The following STEAP3 variants were observed in gnomAD, a reference collection of about 807,000 sequenced individuals.
STEAP3 encodes the protein metalloreductase STEAP3.
In STEAP3, 35 loss-of-function variants were observed where a neutral mutation model predicts 34.9. The ratio of observed to expected loss-of-function variants is 1.00; its 90% CI spans 0.76 to 1.33. STEAP3 has a LOEUF of 1.33. Among genes scored for constraint, STEAP3 ranks in the 40% most tolerant of loss-of-function variants. The pLI, the probability that STEAP3 is intolerant of heterozygous loss-of-function variation, is 0.00. For missense variants in STEAP3, 652 were observed against 667.6 expected, an observed-to-expected ratio of 0.98 and a Z score of 0.26; for synonymous variants, 281 against 301.6, an observed-to-expected ratio of 0.93 and a Z score of 0.71.
chr2:119,226,145 G>A (rs899564207), intron 1 of STEAP3, among the ~76,000 whole-genome samples: 27 of 152,210 alleles, frequency 1.8e-4, no homozygotes, highest in South Asian at 6.2e-4. Context: ...CCAGCCTGGC[G>A]GTCTACGCTG....
At chr2:119,245,223 T>G in intron 2 of STEAP3, 1 of 464,990 alleles carries the variant, frequency 2.2e-6, no homozygotes, top group South Asian at 4.8e-5. Flanking sequence ...ACTCTGCCAG[T>G]TTTTCCCGAG....
chr2:119,258,677 G>A (rs1416743632), intron 5 of STEAP3, among the ~76,000 whole-genome samples: 1 of 139,308 alleles, frequency 7.2e-6, no homozygotes, highest in Non-Finnish European at 1.5e-5. Flanking sequence ...GCACAATCTC[G>A]GCTCACTGCA....
chr2:119,263,522 TGTATTTA>T lies in STEAP3; in HGVS notation c.*185_*191del. On this transcript the variant is annotated 3_prime_UTR_variant, in exon 6 of 6. Coordinates refer to ENST00000393110, the MANE Select transcript of STEAP3 (RefSeq NM_182915.3). ...AATGATATACACACATATGTGTATA[TGTATTTA>T]CATATATTCCACATATATAACAGGA... is the stretch of plus-strand genomic sequence containing the variant. 6.6e-6 allele frequency: 5 copies of T among 761,532 alleles called. No individual in the cohort carries two copies. Among genetic ancestry groups the T allele is most frequent in the Non-Finnish European group, 1.1e-5 (5 of 456,128 alleles). The allele number at this position is 761,532 out of a possible 1,614,324, so 47.2% of individuals were successfully genotyped here. A position where few individuals can be genotyped will look rare whatever the true frequency, so the allele number is the denominator to read the frequency against.
intron 3 of STEAP3, chr2:119,246,293 A>C (rs1677424686): frequency 8.7e-6 from 3 of 346,304 alleles, no homozygotes; most frequent in South Asian, 7.9e-5. Flanking sequence ...TGCTATTTGG[A>C]GCCAAGAAGG....
intron 4 of STEAP3, among the ~76,000 whole-genome samples, chr2:119,252,697 G>C (rs1228242144): frequency 3.3e-5 from 5 of 152,176 alleles, no homozygotes; most frequent in Non-Finnish European, 7.3e-5. Flanking sequence ...AGGGAGCTCT[G>C]AGCACAACAC....
intron 5 of STEAP3, among the ~76,000 whole-genome samples, chr2:119,260,015 TA>T (rs1348110868): frequency 6.6e-6 from 1 of 152,162 alleles, no homozygotes; most frequent in Non-Finnish European, 1.5e-5. Flanking sequence ...CGCCGAACCT[TA>T]AAAAACAACA....
intron 2 of STEAP3, among the ~76,000 whole-genome samples, chr2:119,231,283 G>T (rs538867710): frequency 6.6e-6 from 1 of 151,990 alleles, no homozygotes; most frequent in South Asian, 2.1e-4. Flanking sequence ...GGGAGTCCAG[G>T]TTATTAAGTC....
In STEAP3 at chr2:119,245,743, TC is replaced by T. The variant is rs990159805; in HGVS notation, c.281del (p.Pro94ArgfsTer31). The T allele has an allele frequency of 6.2e-7, 1 of 1,614,154 alleles. No homozygotes were observed. Among genetic ancestry groups the T allele is most frequent in the African/African-American group, 1.3e-5 (1 of 75,032 alleles). On this transcript the variant is annotated frameshift_variant, in exon 3 of 6. Transcript: ENST00000393110. LOFTEE classifies it high-confidence loss of function. ...GACTTTCCAAGAGGAGGCAGTGAGC[TC>T]CCCGGAGGTCATCTTTGTGGCTGTG... ...QVTFQEEAVS[S>X]PEVIFVAVFR...
chr2:119,255,931 G>GAT (rs1677761545), intron 5 of STEAP3, among the ~76,000 whole-genome samples: 1 of 152,140 alleles, frequency 6.6e-6, no homozygotes. Context: ...TAAAGGAAAC[G>GAT]GAGGCAGGGA....
chr2:119,257,630 G>A lies in STEAP3; in HGVS notation c.1215+2782G>A, dbSNP rs770185949. 8 of 1,487,346 alleles carry A rather than the reference G, an allele frequency of 5.4e-6. No homozygotes were observed. The Middle Eastern group carries it at 5.2e-4, about 97-fold the overall frequency. 92.1% of individuals were successfully genotyped at this position (1,487,346 alleles called of 1,614,324 possible). Reference sequence around the variant, plus strand: ...CCCCATATGGTCATCAAGAGGATTTGAGCTGGACACGTTAAATGCAGGATG... The same window carrying A: ...CCCCATATGGTCATCAAGAGGATTTAAGCTGGACACGTTAAATGCAGGATG... On this transcript the variant is annotated intron_variant, in intron 5 of 5. Transcript: ENST00000393110.
chr2:119,258,779 T>C, intron 5 of STEAP3, among the ~76,000 whole-genome samples: 1 of 129,316 alleles, frequency 7.7e-6, no homozygotes, highest in Admixed American at 7.4e-5. Context: ...GGCTAATTTT[T>C]TTTTTTTTTT....
intron 2 of STEAP3, 131 bp downstream of exon 2, chr2:119,231,165 C>T (rs548521660): frequency 4.3e-6 from 5 of 1,169,804 alleles, no homozygotes; most frequent in East Asian, 2.5e-5. Flanking sequence ...CCGAGGAACT[C>T]GACACCTCCC....
At chr2:119,235,962 C>A (rs1677084004) in intron 2 of STEAP3, among the ~76,000 whole-genome samples, 1 of 152,198 alleles carries the variant, frequency 6.6e-6, no homozygotes, top group African/African-American at 2.4e-5. Flanking sequence ...TCCTACTCTT[C>A]CCTCCACCCC....
chr2:119,245,592 C>T lies in STEAP3; in HGVS notation c.126C>T (p.Gly42=), dbSNP rs1677390355. ...TCCCCGATGAGGCCCCCAAAGTGGG[C>T]ATCCTGGGTAGCGGGGACTTTGCCC... ...AKVPDEAPKV[G]ILGSGDFARS... is the part of the protein sequence containing the mutation. The change falls in exon 3 of 6, where the codon GGC becomes GGT. Residue 42 remains glycine (G), a synonymous_variant. Transcript: ENST00000393110. 6.2e-7 allele frequency: 1 copy of T among 1,607,290 alleles called. No individual in the cohort carries two copies. Among genetic ancestry groups the T allele is most frequent in the Non-Finnish European group, 8.5e-7 (1 of 1,174,342 alleles).
At chr2:119,249,988 G>A (rs1677574754) in intron 4 of STEAP3, among the ~76,000 whole-genome samples, 1 of 152,194 alleles carries the variant, frequency 6.6e-6, no homozygotes, top group Admixed American at 6.5e-5. Flanking sequence ...TCTCATCCCT[G>A]TAGGCCAGGT....
At position 119,263,721 on chromosome 2, in the gene STEAP3, C is replaced by A; in HGVS notation, c.*383C>A. 1 of 332,506 alleles carries A rather than the reference C, an allele frequency of 3.0e-6. No individual in the cohort carries two copies. Among genetic ancestry groups the A allele is most frequent in the Non-Finnish European group, 5.8e-6 (1 of 172,564 alleles). The allele number at this position is 332,506 out of a possible 1,614,324, so 20.6% of individuals were successfully genotyped here. On this transcript the variant is annotated 3_prime_UTR_variant, in exon 6 of 6. Transcript: ENST00000393110. Reference sequence around the variant, plus strand: ...GAAGAGGCTTGTGCTGTGGTGGGTTCGATTTATCCCTGCCCACCCCACCCC... The same window carrying A: ...GAAGAGGCTTGTGCTGTGGTGGGTTAGATTTATCCCTGCCCACCCCACCCC...
At chr2:119,260,072 G>C (rs7575387) in intron 5 of STEAP3, among the ~76,000 whole-genome samples, 9,553 of 152,250 alleles carry the variant, frequency 0.063, 725 homozygotes, top group African/African-American at 0.18. Context: ...TGGAAGTGGG[G>C]TTTGGGCACT....
intron 5 of STEAP3, chr2:119,257,445 C>A: frequency 6.7e-7 from 1 of 1,497,670 alleles, no homozygotes; most frequent in Non-Finnish European, 8.9e-7. Context: ...CTGATAGGTG[C>A]GCATGCCGCA....
intron 5 of STEAP3, among the ~76,000 whole-genome samples, chr2:119,258,878 T>G (rs1677860619): frequency 6.6e-6 from 1 of 151,446 alleles, no homozygotes; most frequent in South Asian, 2.1e-4. Context: ...TGCCTCGGCC[T>G]TCCAAAGTGC....
Sources: gnomAD v4.1 joint callset for allele counts (sites outside exome capture counted in the v4.1 genomes callset) on GRCh38, gnomAD v4.1.1 for gene constraint, MANE v1.5 for transcripts, NCBI Gene and HGNC (gene_info 2026-07-23, HGNC 2026-07-21) for gene names.